RPS6KA3: variants seen among roughly 807,000 people sequenced by gnomAD.
RPS6KA3 encodes ribosomal protein S6 kinase A3.
Under a neutral mutation model 67.2 loss-of-function variants are expected in RPS6KA3, and 4 were observed. The observed-to-expected ratio is 0.06, with a 90% confidence interval of 0.03 to 0.14. The LOEUF (loss-of-function observed/expected upper bound fraction) is 0.14. Ranked by LOEUF, RPS6KA3 falls within the 10% of genes least tolerant of loss-of-function variation. RPS6KA3 has a pLI of 1.00. For synonymous variants in RPS6KA3, 182 were observed against 183.7 expected (o/e 0.99, Z 0.07); for missense variants, 204 against 559.0 (o/e 0.36, Z 6.40).
chrX:20,259,181 A>C (rs891827603), intron 1 of RPS6KA3, among the ~76,000 whole-genome samples: 12 of 111,873 alleles, frequency 1.1e-4, no homozygotes, highest in African/African-American at 3.9e-4. Context: ...TTATATTACT[A>C]ATCCTAGCTA....
chrX:20,266,480 G>A (rs2070389352), intron 1 of RPS6KA3, 84 bp downstream of exon 1: 1 of 805,874 alleles, frequency 1.2e-6, no homozygotes. Context: ...AGAACGGGCC[G>A]AGTGGCCAGC....
intron 4 of RPS6KA3, among the ~76,000 whole-genome samples, chrX:20,198,907 C>A (rs1474647407): frequency 9.0e-6 from 1 of 110,678 alleles, no homozygotes; most frequent in Non-Finnish European, 1.9e-5. Flanking sequence ...AGTCTTGCCC[C>A]GTCGCCCAGG....
At chrX:20,215,036 C>A (rs892723621) in intron 2 of RPS6KA3, among the ~76,000 whole-genome samples, 1 of 110,174 alleles carries the variant, frequency 9.1e-6, no homozygotes, top group Non-Finnish European at 1.9e-5. Flanking sequence ...GACAGGGTCT[C>A]AACATGTTGC....
intron 7 of RPS6KA3, among the ~76,000 whole-genome samples, chrX:20,192,592 CTT>C (rs1159974637): frequency 0.012 from 525 of 45,402 alleles, 3 homozygotes; most frequent in African/African-American, 0.056. Context: ...TGTAAATTTT[CTT>C]TTTTTTTTTT....
At chrX:20,169,775 A>G (rs1314225181) in intron 15 of RPS6KA3, among the ~76,000 whole-genome samples, 1 of 111,858 alleles carries the variant, frequency 8.9e-6, no homozygotes, top group Non-Finnish European at 1.9e-5. Context: ...CAAAAACTCA[A>G]AAAGCCTCGA....
chrX:20,243,449 C>T (rs2069601171), intron 1 of RPS6KA3, among the ~76,000 whole-genome samples: 1 of 111,651 alleles, frequency 9.0e-6, no homozygotes, highest in African/African-American at 3.3e-5. Context: ...TAAGTAGAGC[C>T]GAAATTCAAA....
chrX:20,151,414 C>T lies in RPS6KA3; in HGVS notation c.*3984G>A, dbSNP rs2067100987. 1 of 112,463 alleles carries T rather than the reference C, an allele frequency of 8.9e-6. No individual in the cohort carries two copies. Among genetic ancestry groups the T allele is most frequent in the South Asian group, 3.7e-4 (1 of 2,729 alleles). 9.3% of individuals were successfully genotyped at this position (112,463 alleles called of 1,213,427 possible). On this transcript the variant is annotated 3_prime_UTR_variant, in exon 22 of 22. Transcript: ENST00000379565. ...GTTTTCATTAATTGAAATAAAAATA[C>T]TGAGTTAAGTCAACTTATCTGTGAA...
chrX:20,222,658 TTTTA>T (rs2069012387), intron 2 of RPS6KA3, among the ~76,000 whole-genome samples: 1 of 112,022 alleles, frequency 8.9e-6, no homozygotes, highest in African/African-American at 3.2e-5. Context: ...TGTCAGAAAT[TTTTA>T]TTTATTTAAA....
chrX:20,214,687 A>T (rs1325647126), intron 2 of RPS6KA3, among the ~76,000 whole-genome samples: 6 of 111,100 alleles, frequency 5.4e-5, no homozygotes, highest in Non-Finnish European at 3.8e-5. Context: ...CTTTGTGGGG[A>T]ATTCTAACAT....
At chrX:20,166,312 T>C (rs1207828907) in intron 17 of RPS6KA3, among the ~76,000 whole-genome samples, 1 of 111,911 alleles carries the variant, frequency 8.9e-6, no homozygotes. Flanking sequence ...GAATTACTGA[T>C]GAGGCATTGG....
chrX:20,158,107 G>C (rs1215872368), intron 20 of RPS6KA3, among the ~76,000 whole-genome samples: 2 of 109,858 alleles, frequency 1.8e-5, no homozygotes, highest in East Asian at 5.7e-4. Flanking sequence ...AATTGGGCTG[G>C]GCGTGGGAGA....
At chrX:20,240,500 T>C (rs2069525961) in intron 1 of RPS6KA3, 13 of 390,854 alleles carry the variant, frequency 3.3e-5, no homozygotes, top group Non-Finnish European at 4.2e-5. Flanking sequence ...GAATCTTCTA[T>C]GCAATCACAA....
chrX:20,266,638 C>G lies in RPS6KA3; in HGVS notation c.-6G>C. ...GCCAGCTGCGCCAGCGGCATCTTCC[C>G]CCCCGGCCCGCCGCCTTCACCGCCT... On this transcript the variant is annotated 5_prime_UTR_variant, in exon 1 of 22. Coordinates refer to ENST00000379565, the MANE Select transcript of RPS6KA3 (RefSeq NM_004586.3). The G allele has an allele frequency of 1.1e-5, 12 of 1,136,424 alleles. No homozygotes were observed. The highest frequency in any genetic ancestry group is 1.3e-5 in the Non-Finnish European group (11 of 860,938). The allele number at this position is 1,136,424 out of a possible 1,213,427, so 93.7% of individuals were successfully genotyped here.
Position 20,215,099 on chromosome X carries a change from T to C in RPS6KA3, c.127-5695A>G, listed in dbSNP as rs755506765. ...GGGATTACGGGAATGAGCCATCATG[T>C]CCAGCACTGTCTCTACTTTCTAAGA... On this transcript the variant is annotated intron_variant, in intron 2 of 21. Coordinates refer to ENST00000379565, the MANE Select transcript of RPS6KA3 (RefSeq NM_004586.3). 4.5e-5 allele frequency among the ~76,000 whole-genome samples: 5 copies of C among 111,749 alleles called. No individual in the cohort carries two copies. In the South Asian group the frequency reaches 1.9e-3, roughly 41 times the overall value.
chrX:20,241,007 A>G (rs2069536898), intron 1 of RPS6KA3, among the ~76,000 whole-genome samples: 1 of 111,196 alleles, frequency 9.0e-6, no homozygotes, highest in South Asian at 3.7e-4. Context: ...TTATAAAGAG[A>G]AAAACAATAC....
intron 15 of RPS6KA3, among the ~76,000 whole-genome samples, chrX:20,171,188 T>C (rs188244849): frequency 8.9e-6 from 1 of 112,483 alleles, no homozygotes; most frequent in African/African-American, 3.2e-5. Flanking sequence ...TCAGTGAGGC[T>C]TCTGGTCAAC....
intron 3 of RPS6KA3, 150 bp from the exon 4 acceptor site, chrX:20,204,253 A>G: frequency 6.7e-6 from 3 of 450,509 alleles, no homozygotes; most frequent in South Asian, 3.6e-5. Flanking sequence ...AATTATAAAT[A>G]CTAGTTATAA....
chrX:20,155,293 T>C lies in RPS6KA3; in HGVS notation c.*105A>G. The C allele has an allele frequency of 1.1e-6, 1 of 903,855 alleles. No individual in the cohort carries two copies. Among genetic ancestry groups the C allele is most frequent in the East Asian group, 3.1e-5 (1 of 32,276 alleles). The allele number at this position is 903,855 out of a possible 1,213,427, so 74.5% of individuals were successfully genotyped here. On this transcript the variant is annotated 3_prime_UTR_variant, in exon 22 of 22. Coordinates refer to ENST00000379565, the MANE Select transcript of RPS6KA3 (RefSeq NM_004586.3). ...GAACAGCAGCATTATGGGTACCAGC[T>C]GGGACAGTGTGTGCTTGCAGGTGTC... is the stretch of plus-strand genomic sequence containing the variant.
At chrX:20,187,407 T>C (rs1398801190) in intron 9 of RPS6KA3, among the ~76,000 whole-genome samples, 1 of 110,343 alleles carries the variant, frequency 9.1e-6, no homozygotes, top group African/African-American at 3.3e-5. Flanking sequence ...TTTTGCCATG[T>C]TGGCCATGCC....
Sources: allele counts gnomAD v4.1 joint callset (sites outside exome capture counted in the v4.1 genomes callset), GRCh38; gene constraint gnomAD v4.1.1; transcripts MANE v1.5; gene names NCBI Gene and HGNC (gene_info 2026-07-23, HGNC 2026-07-21).